The following POLD2 variants were observed in gnomAD, a reference collection of about 807,000 sequenced individuals.
POLD2 encodes the protein DNA polymerase delta subunit 2.
POLD2 carries 31 observed loss-of-function variants against 48.8 expected under a neutral mutation model. That is an observed-to-expected ratio of 0.64 (90% CI 0.48 to 0.86). POLD2 has a LOEUF of 0.86. POLD2 is among the 40% of genes least tolerant of loss of function. The probability of loss-of-function intolerance (pLI) is 0.00; values close to 1 mark genes in which losing one functional copy is unlikely to be tolerated. For synonymous variants in POLD2, 233 were observed against 256.3 expected (o/e 0.91, Z 0.87); for missense variants, 455 against 610.1 (o/e 0.75, Z 2.68).
rs554456369 is a variant in POLD2, at chr7:44,122,018, A to G, written c.36T>C (p.Thr12=). The change falls in exon 2 of 11, where the codon ACT becomes ACC. Residue 12 remains threonine, a synonymous_variant. Transcript: ENST00000610533. ...TGTTGGCTGATGGTGGGGACAGTAG[A>G]GTGTGGGCCCTCTGGGCAGCCTGCT... The part of the protein sequence containing the change: ...FSEQAAQRAH[T]LLSPPSANNA... 1.9e-6 allele frequency: 3 copies of G among 1,613,542 alleles called. No individual in the cohort carries two copies. In the South Asian group the frequency reaches 3.3e-5, roughly 18 times the overall value.
rs1007534791 is a variant in POLD2, at chr7:44,117,311, C to T, written c.467-64G>A. On this transcript the variant is annotated intron_variant, in intron 4 of 10. Transcript: ENST00000610533. The stretch of plus-strand genomic sequence containing the variant: ...AGGTGCTACCACTCCTTCCAGTCAC[C>T]CCAACGGGCAAAACAAGCCAGTTCT... 3.3e-6 allele frequency: 4 copies of T among 1,223,480 alleles called. No homozygotes were observed. In the African/African-American group the frequency reaches 6.0e-5, roughly 18 times the overall value. The allele number at this position is 1,223,480 out of a possible 1,614,324, so 75.8% of individuals were successfully genotyped here.
At chr7:44,123,811 T>A (rs1277561490), upstream of POLD2, 4 of 956,276 alleles carry the variant, frequency 4.2e-6, no homozygotes, top group Non-Finnish European at 5.7e-6. Flanking sequence ...ACGGGGGGTG[T>A]CGGCCTCCAG....
intron 2 of POLD2, among the ~76,000 whole-genome samples, chr7:44,120,852 A>G (rs1055062904): frequency 6.6e-6 from 1 of 152,108 alleles, no homozygotes; most frequent in African/African-American, 2.4e-5. Context: ...AAATTACCCT[A>G]TCTCAGGTAG....
rs751699655 is a variant in POLD2, at chr7:44,122,070, T to C, written c.-17A>G. 3.1e-6 allele frequency: 5 copies of C among 1,611,184 alleles called. No individual in the cohort carries two copies. The highest frequency in any genetic ancestry group is 4.2e-6 in the Non-Finnish European group (5 of 1,179,044). On this transcript the variant is annotated 5_prime_UTR_variant, in exon 2 of 11. Transcript: ENST00000610533. ...AGAAAACATGGCCACACTCCTGACT[T>C]GCTTGGTCCACACAGCTTCGCCCAG...
Position 44,116,644 on chromosome 7 carries a change from G to T in POLD2, c.781-134C>A, listed in dbSNP as rs919186669. 3.0e-6 allele frequency: 3 copies of T among 998,788 alleles called. No homozygotes were observed. In the African/African-American group the frequency reaches 4.8e-5, roughly 16 times the overall value. The allele number at this position is 998,788 out of a possible 1,614,324, so 61.9% of individuals were successfully genotyped here. A position where few individuals can be genotyped will look rare whatever the true frequency, so the allele number is the denominator to read the frequency against. On this transcript the variant is annotated intron_variant, in intron 6 of 10. Transcript: ENST00000610533. The surrounding 1 kb of genome is among the most constrained non-coding windows in gnomAD (Gnocchi z 6.1). ...CCCTTCAAGCCTCCCACCATCCTCA[G>T]CGAGGGCCTGGGCATGAGGAGCCCC... is the stretch of plus-strand genomic sequence containing the variant.
intron 10 of POLD2, 103 bp from the exon 11 acceptor site, chr7:44,115,048 G>C: frequency 9.4e-7 from 1 of 1,063,684 alleles, no homozygotes; most frequent in East Asian, 2.6e-5. Flanking sequence ...ACACAGTGGG[G>C]CAGTGACAAT....
chr7:44,115,692 G>C, intron 9 of POLD2, 74 bp downstream of exon 9: 1 of 1,523,038 alleles, frequency 6.6e-7, no homozygotes, highest in Non-Finnish European at 8.9e-7. Context: ...ACCCACAGGG[G>C]GACCCTGTGC....
In POLD2 at chr7:44,117,998, G is replaced by A. The variant is rs754823342; in HGVS notation, c.287C>T (p.Thr96Ile). 11 of 1,614,208 alleles carry A rather than the reference G, an allele frequency of 6.8e-6. No individual in the cohort carries two copies. Among genetic ancestry groups the A allele is most frequent in the Non-Finnish European group, 9.3e-6 (11 of 1,180,030 alleles). ...QPEEKCCVVGTLFKAMPLQPS... is the reference protein window; with the variant it reads ...QPEEKCCVVGILFKAMPLQPS... ...CTGCAGCGGCATGGCCTTGAACAGA[G>A]TGCCCACCACACAGCACTTCTCCTC... Residue 96 changes from threonine to isoleucine, a missense_variant, in exon 3 of 11, where the codon ACT becomes ATT. Thr to Ile is a moderately conservative substitution (Grantham distance 89). Coordinates refer to ENST00000610533, the MANE Select transcript of POLD2 (RefSeq NM_006230.4).
intron 2 of POLD2, among the ~76,000 whole-genome samples, chr7:44,118,720 C>T (rs181828273): frequency 6.6e-6 from 1 of 151,948 alleles, no homozygotes; most frequent in South Asian, 2.1e-4. Context: ...AGGGTTTCAC[C>T]GTGTTAGCCA....
Position 44,116,211 on chromosome 7 carries a change from TG to T in POLD2, c.922del (p.Gln308SerfsTer42). On this transcript the variant is annotated frameshift_variant, in exon 8 of 11. Coordinates refer to ENST00000610533, the MANE Select transcript of POLD2 (RefSeq NM_006230.4). LOFTEE classifies it high-confidence loss of function. This position sits in a 1 kb window ranked among gnomAD's most constrained non-coding sequence, Gnocchi z 6.1. Reference protein sequence around the residue: ...EFDPTNYTLPQQPLHPCMFPL... With the variant: ...EFDPTNYTLPXQPLHPCMFPL... ...GAACATGCAGGGGTGGAGGGGCTGC[TG>T]GGGGAGCGTGTAATTGGTGGGATCA... is the stretch of plus-strand genomic sequence containing the variant. The T allele has an allele frequency of 3.1e-6, 5 of 1,613,734 alleles. No homozygotes were observed. Among genetic ancestry groups the T allele is most frequent in the Non-Finnish European group, 3.4e-6 (4 of 1,179,888 alleles).
intron 2 of POLD2, among the ~76,000 whole-genome samples, chr7:44,118,488 T>A (rs2971686): frequency 0.15 from 22,464 of 151,998 alleles, 2,519 homozygotes; most frequent in East Asian, 0.36. Context: ...AGAGTAAATG[T>A]CTGTGTTTTT....
rs147996458 is a variant in POLD2, at chr7:44,115,799, G to A, written c.1114C>T (p.Arg372Cys). The part of the protein sequence containing the change: ...LEILEWTLRV[R>C]HISPTAPDTL... ...TCAGGGGCTGTGGGGCTGATGTGACGGACCCGCAGGGTCCACTCCAGGATC... is the reference window on the plus strand; with the variant it reads ...TCAGGGGCTGTGGGGCTGATGTGACAGACCCGCAGGGTCCACTCCAGGATC... The change falls in exon 9 of 11, where the codon CGT becomes TGT. Residue 372 changes from arginine (R) to cysteine (C), a missense_variant. Around this residue, in one of 3 missense-constraint regions of POLD2, gnomAD observed 98 missense variants for 138.6 expected, o/e 0.71. Transcript: ENST00000610533. 43 of 1,613,934 alleles carry A rather than the reference G, an allele frequency of 2.7e-5. No homozygotes were observed. Among genetic ancestry groups the A allele is most frequent in the African/African-American group, 5.3e-5 (4 of 74,938 alleles).
At chr7:44,118,678 A>T (rs62460067) in intron 2 of POLD2, among the ~76,000 whole-genome samples, 4 of 145,720 alleles carry the variant, frequency 2.7e-5, no homozygotes, top group Admixed American at 2.0e-4. Context: ...ACGCCCAGCT[A>T]ATTTTTTTTT....
rs3087370 is a variant in POLD2, at chr7:44,122,210, A to C, written c.-56-101T>G. 1 of 1,437,228 alleles carries C rather than the reference A, an allele frequency of 7.0e-7. No homozygotes were observed. 89.0% of individuals were successfully genotyped at this position (1,437,228 alleles called of 1,614,324 possible). A position where few individuals can be genotyped will look rare whatever the true frequency, so the allele number is the denominator to read the frequency against. On this transcript the variant is annotated intron_variant, in intron 1 of 10. Transcript: ENST00000610533. ...CCCAAAGGATACTGGGAAAAGAAGGAGAACAGCTGTAGTTGACACCAGACA... is the reference window on the plus strand; with the variant it reads ...CCCAAAGGATACTGGGAAAAGAAGGCGAACAGCTGTAGTTGACACCAGACA...
chr7:44,123,751 C>T, upstream of POLD2: 1 of 1,319,988 alleles, frequency 7.6e-7, no homozygotes, highest in Non-Finnish European at 9.7e-7. Context: ...GGCTCGCAGG[C>T]CGGCGCCGCG....
chr7:44,116,603 C>T lies in POLD2; in HGVS notation c.781-93G>A. ...ACCAGCTGGAAGATGCAGTTGTTGTCCCATAGACCCTCACTCCCTTCAAGC... is the reference window on the plus strand; with the variant it reads ...ACCAGCTGGAAGATGCAGTTGTTGTTCCATAGACCCTCACTCCCTTCAAGC... On this transcript the variant is annotated intron_variant, in intron 6 of 10. Coordinates refer to ENST00000610533, the MANE Select transcript of POLD2 (RefSeq NM_006230.4). The surrounding 1 kb of genome is among the most constrained non-coding windows in gnomAD (Gnocchi z 6.1). The T allele has an allele frequency of 9.0e-7, 1 of 1,116,808 alleles. No individual in the cohort carries two copies. The highest frequency in any genetic ancestry group is 1.3e-6 in the Non-Finnish European group (1 of 759,318). 69.2% of individuals were successfully genotyped at this position (1,116,808 alleles called of 1,614,324 possible).
rs752886279 is a variant in POLD2 at position 44,117,191 on chromosome 7, C to A, written c.523G>T (p.Asp175Tyr). The A allele has an allele frequency of 1.2e-6, 2 of 1,614,086 alleles. No individual in the cohort carries two copies. The highest frequency in any genetic ancestry group is 8.5e-7 in the Non-Finnish European group (1 of 1,179,994). Residue 175 changes from aspartate to tyrosine, a missense_variant, in exon 5 of 11, where the codon GAC becomes TAC. Coordinates refer to ENST00000610533, the MANE Select transcript of POLD2 (RefSeq NM_006230.4). ...VRDDGKFLVEDYCFADLAPQK... is the reference protein window; with the variant it reads ...VRDDGKFLVEYYCFADLAPQK... ...GGAGCAAGGTCAGCAAAGCAATAGT[C>A]CTCCACCAGAAACTTCCCGTCGTCT...
rs2096248369 is a variant in POLD2 at position 44,121,716 on chromosome 7, A to G, written c.220+118T>C. ...GAAGAAACTGAGGGAAAAAGAGGTT[A>G]ATTTTCCCAAGGTAACAGGAAGTGG... is the stretch of plus-strand genomic sequence containing the variant. On this transcript the variant is annotated intron_variant, in intron 2 of 10. Transcript: ENST00000610533. The surrounding 1 kb of genome is among the most constrained non-coding windows in gnomAD (Gnocchi z 4.5). 1.0e-6 allele frequency: 1 copy of G among 991,608 alleles called. No homozygotes were observed. The highest frequency in any genetic ancestry group is 1.7e-5 in the South Asian group (1 of 58,068). The allele number at this position is 991,608 out of a possible 1,614,324, so 61.4% of individuals were successfully genotyped here. A position where few individuals can be genotyped will look rare whatever the true frequency, so the allele number is the denominator to read the frequency against.
chr7:44,123,314 A>C (rs1444669563), intron 1 of POLD2, 197 bp downstream of exon 1: 18 of 1,365,230 alleles, frequency 1.3e-5, no homozygotes, highest in South Asian at 3.4e-5. Flanking sequence ...TGATGGCGGC[A>C]GCAGCCAGGC....
Sources: gnomAD v4.1 joint callset for allele counts (sites outside exome capture counted in the v4.1 genomes callset) on GRCh38, gnomAD v4.1.1 for gene constraint, gnomAD v4.1.1 regional missense constraint, Gnocchi (gnomAD v3.1) non-coding constraint, MANE v1.5 for transcripts, NCBI Gene and HGNC (gene_info 2026-07-23, HGNC 2026-07-21) for gene names.